The following ELAVL2 variants were observed in gnomAD, a reference collection of about 807,000 sequenced individuals.
The protein encoded by ELAVL2 is ELAV-like protein 2.
A neutral mutation model predicts 34.6 loss-of-function variants in ELAVL2; 4 were observed. That is an observed-to-expected ratio of 0.12 (90% CI 0.06 to 0.26). ELAVL2 has a LOEUF of 0.26. ELAVL2 is among the 10% of genes least tolerant of loss of function. The pLI, the probability that ELAVL2 is intolerant of heterozygous loss-of-function variation, is 1.00. For synonymous variants in ELAVL2, 193 were observed against 154.8 expected, an observed-to-expected ratio of 1.25 and a Z score of -1.83; for missense variants, 432 against 442.8, an observed-to-expected ratio of 0.98 and a Z score of 0.22.
intron 1 of ELAVL2, among the ~76,000 whole-genome samples, chr9:23,805,307 A>C (rs1349580619): frequency 6.6e-6 from 1 of 152,214 alleles, no homozygotes; most frequent in Non-Finnish European, 1.5e-5. Context: ...AACGGTACAA[A>C]CATCCCTTTC....
chr9:23,764,500 C>G (rs1198583267), intron 1 of ELAVL2, among the ~76,000 whole-genome samples: 1 of 152,106 alleles, frequency 6.6e-6, no homozygotes, highest in Non-Finnish European at 1.5e-5. Flanking sequence ...CTATATTTTA[C>G]AAATAATGCA....
intron 2 of ELAVL2, among the ~76,000 whole-genome samples, chr9:23,746,038 G>A (rs974555804): frequency 2.6e-5 from 4 of 151,924 alleles, no homozygotes; most frequent in African/African-American, 9.7e-5. Context: ...TGGAAGGGAG[G>A]ATCGGTATCT....
chr9:23,776,635 TAAG>T (rs1299548182), intron 1 of ELAVL2, among the ~76,000 whole-genome samples: 3 of 148,082 alleles, frequency 2.0e-5, no homozygotes, highest in East Asian at 4.0e-4. Flanking sequence ...ACCTGTGTCC[TAAG>T]AAGGTGTCCA....
chr9:23,813,323 A>G (rs2063267325), intron 1 of ELAVL2, among the ~76,000 whole-genome samples: 1 of 151,878 alleles, frequency 6.6e-6, no homozygotes, highest in Non-Finnish European at 1.5e-5. Context: ...GGAGTGGGGG[A>G]GAAAAGGCTG....
At chr9:23,712,324 C>CA (rs1328286308) in intron 3 of ELAVL2, among the ~76,000 whole-genome samples, 1 of 152,108 alleles carries the variant, frequency 6.6e-6, no homozygotes, top group Non-Finnish European at 1.5e-5. Flanking sequence ...TGTGAAATGA[C>CA]AGTGACTGGG....
At chr9:23,707,555 G>C (rs745977496) in intron 3 of ELAVL2, among the ~76,000 whole-genome samples, 1 of 152,142 alleles carries the variant, frequency 6.6e-6, no homozygotes, top group Admixed American at 6.5e-5. Context: ...ACCAGCAGCA[G>C]GTGACAGGCT....
intron 5 of ELAVL2, among the ~76,000 whole-genome samples, chr9:23,700,536 TA>T (rs1431974521): frequency 6.6e-6 from 1 of 152,224 alleles, no homozygotes; most frequent in Non-Finnish European, 1.5e-5. Flanking sequence ...GAGAGGTCAG[TA>T]AATTACAACC....
At chr9:23,755,896 C>T (rs1252685048) in intron 2 of ELAVL2, among the ~76,000 whole-genome samples, 3 of 152,144 alleles carry the variant, frequency 2.0e-5, no homozygotes, top group Non-Finnish European at 4.4e-5. Context: ...ATGGACATTT[C>T]ACATGCTCAC....
chr9:23,735,743 A>G (rs1484885287), intron 2 of ELAVL2, among the ~76,000 whole-genome samples: 1 of 152,346 alleles, frequency 6.6e-6, no homozygotes, highest in African/African-American at 2.4e-5. Context: ...AAAATAGTTT[A>G]TAAGATGCTC....
intron 1 of ELAVL2, among the ~76,000 whole-genome samples, chr9:23,792,375 T>A (rs1446382339): frequency 6.6e-6 from 1 of 152,202 alleles, no homozygotes; most frequent in East Asian, 1.9e-4. Flanking sequence ...CCATGCCCCC[T>A]CGCTTTTGAA....
At chr9:23,797,953 G>GA (rs992803892) in intron 1 of ELAVL2, among the ~76,000 whole-genome samples, 3 of 150,908 alleles carry the variant, frequency 2.0e-5, no homozygotes, top group Admixed American at 1.3e-4. Context: ...GAAAAGAAAA[G>GA]AAAAAAAAAG....
At chr9:23,774,349 C>G (rs914488290) in intron 1 of ELAVL2, among the ~76,000 whole-genome samples, 1 of 151,746 alleles carries the variant, frequency 6.6e-6, no homozygotes, top group African/African-American at 2.4e-5. Context: ...GTGTTGGGAG[C>G]CTTTTAACAT....
rs2046357284 is a variant in ELAVL2, at chr9:23,730,865, A to T, written c.333+157T>A. On this transcript the variant is annotated intron_variant, in intron 3 of 6. Transcript: ENST00000397312. The stretch of plus-strand genomic sequence containing the variant: ...TTATACATAGCACTCTTGAACAAAC[A>T]GTTTCTTCCATCTTGCAACAAACAC... 3.3e-5 allele frequency among the ~76,000 whole-genome samples: 5 copies of T among 152,136 alleles called. No individual in the cohort carries two copies. The South Asian group carries it at 1.0e-3, about 31-fold the overall frequency.
intron 1 of ELAVL2, among the ~76,000 whole-genome samples, chr9:23,780,130 A>G (rs2058860925): frequency 6.6e-6 from 1 of 151,882 alleles, no homozygotes; most frequent in African/African-American, 2.4e-5. Context: ...CCTCACACAT[A>G]ACTTAGGTTG....
At chr9:23,726,328 A>G (rs2045146660) in intron 3 of ELAVL2, among the ~76,000 whole-genome samples, 1 of 152,144 alleles carries the variant, frequency 6.6e-6, no homozygotes, top group Admixed American at 6.6e-5. Context: ...TCATGATTGT[A>G]TACCAATTAA....
Position 23,777,632 on chromosome 9 carries a change from C to T in ELAVL2, c.-15-15383G>A, listed in dbSNP as rs568506512. Among the ~76,000 whole-genome samples, 20 of 152,098 alleles carry T rather than the reference C, an allele frequency of 1.3e-4. No homozygotes were observed. The East Asian group carries it at 3.1e-3, about 24-fold the overall frequency. The stretch of plus-strand genomic sequence containing the variant: ...ATTTCTAAAGAGCAAAAGTGGGAAA[C>T]GGGGGGTATCATGAGGTAGAAGCAA... On this transcript the variant is annotated intron_variant, in intron 1 of 6. Transcript: ENST00000397312.
At chr9:23,759,048 CAGCAT>C (rs1271758699) in intron 2 of ELAVL2, among the ~76,000 whole-genome samples, 2 of 151,988 alleles carry the variant, frequency 1.3e-5, no homozygotes, top group African/African-American at 4.8e-5. Context: ...CCGTATGATC[CAGCAT>C]CCCCACTACT....
At chr9:23,820,312 A>T (rs2138510030) in intron 1 of ELAVL2, among the ~76,000 whole-genome samples, 1 of 152,324 alleles carries the variant, frequency 6.6e-6, no homozygotes, top group East Asian at 1.9e-4. Context: ...AATTATTAGG[A>T]ATAGGGCCAC....
chr9:23,814,639 G>A (rs2063466124), intron 1 of ELAVL2, among the ~76,000 whole-genome samples: 1 of 152,130 alleles, frequency 6.6e-6, no homozygotes, highest in Non-Finnish European at 1.5e-5. Context: ...CAAAAGTGGT[G>A]TTGAATAAAC....
Sources: allele counts gnomAD v4.1 joint callset (sites outside exome capture counted in the v4.1 genomes callset), GRCh38; gene constraint gnomAD v4.1.1; transcripts MANE v1.5; gene names NCBI Gene and HGNC (gene_info 2026-07-23, HGNC 2026-07-21).